ZNF668: variants seen among roughly 807,000 people sequenced by gnomAD.
The protein encoded by ZNF668 is zinc finger protein 668.
A neutral mutation model predicts 40.3 loss-of-function variants in ZNF668; 10 were observed. That is an observed-to-expected ratio of 0.25 (90% CI 0.15 to 0.42). The LOEUF is 0.42. Among genes scored for constraint, ZNF668 ranks in the 10% least tolerant of loss-of-function variants. The pLI is 1.00. For synonymous variants in ZNF668, 428 were observed against 384.6 expected (o/e 1.11, Z -1.32); for missense variants, 749 against 904.6 (o/e 0.83, Z 2.21).
At chr16:31,070,260 T>G (rs1465735507) in intron 1 of ZNF668, among the ~76,000 whole-genome samples, 1 of 150,348 alleles carries the variant, frequency 6.7e-6, no homozygotes, top group East Asian at 2.0e-4. Flanking sequence ...CAGGCTGGAG[T>G]GCAATGGCAC....
rs777174663 is a variant in ZNF668, at chr16:31,061,250, G to A, written c.1678C>T (p.Arg560Cys). The change falls in exon 3 of 3, where the codon CGC becomes TGC. Residue 560 changes from arginine (R) to cysteine (C), a missense_variant. By Grantham distance (180) the Arg-to-Cys change is radical. This residue lies in a region of ZNF668 where 310 missense variants were observed against 355.1 expected (regional missense o/e 0.87). Transcript: ENST00000300849. This position sits in a 1 kb window ranked among gnomAD's most constrained non-coding sequence, Gnocchi z 7.7. The part of the protein sequence containing the change: ...GKSFSDRAGL[R>C]KHSRTHSSVR... ...GAGCTGTGAGTGCGGCTGTGTTTGC[G>A]CAGCCCAGCCCGGTCAGAGAAGCTC... 55 of 1,538,286 alleles carry A rather than the reference G, an allele frequency of 3.6e-5. No homozygotes were observed. Among genetic ancestry groups the A allele is most frequent in the Non-Finnish European group, 4.8e-5 (55 of 1,143,460 alleles).
chr16:31,071,170 T>C (rs1422551218), intron 1 of ZNF668, among the ~76,000 whole-genome samples: 1 of 149,750 alleles, frequency 6.7e-6, no homozygotes, highest in Non-Finnish European at 1.5e-5. Context: ...TATTTCATTT[T>C]TATTTATTTA....
chr16:31,068,220 T>TTAAAAAA (rs1555498568), intron 1 of ZNF668, among the ~76,000 whole-genome samples: 5 of 9,380 alleles, frequency 5.3e-4, no homozygotes, highest in African/African-American at 1.5e-3. Context: ...ATCCCACCAT[T>TTAAAAAA]AAAAAAAAAA....
chr16:31,064,677 G>T, intron 1 of ZNF668, 196 bp from the exon 2 acceptor site: 1 of 1,536,024 alleles, frequency 6.5e-7, no homozygotes, highest in Non-Finnish European at 8.7e-7. Context: ...CCAAGTGTCC[G>T]CAGAGCCACT....
At position 31,061,896 on chromosome 16, in the gene ZNF668, C is replaced by A. The variant is rs754058989; in HGVS notation, c.1032G>T (p.Thr344=). 1.9e-6 allele frequency: 3 copies of A among 1,613,128 alleles called. No individual in the cohort carries two copies. Among genetic ancestry groups the A allele is most frequent in the Admixed American group, 3.3e-5 (2 of 59,990 alleles). The change falls in exon 3 of 3, where the codon ACG becomes ACT. Residue 344 remains threonine (T), a synonymous_variant. Coordinates refer to ENST00000300849, the MANE Select transcript of ZNF668 (RefSeq NM_024706.5). The surrounding 1 kb of genome is among the most constrained non-coding windows in gnomAD (Gnocchi z 7.7). ...RPFKCLQCDK[T]FVASWDLKRH... is the part of the protein sequence containing the mutation. ...GCTTGAGGTCCCAGGACGCCACGAA[C>A]GTCTTGTCACATTGCAGGCACTTGA...
intron 2 of ZNF668, 21 bp downstream of exon 2, chr16:31,063,792 T>C (rs1431043338): frequency 6.5e-7 from 1 of 1,530,852 alleles, no homozygotes; most frequent in East Asian, 2.3e-5. Flanking sequence ...GAAGGCGCCC[T>C]GCCCCGGAAG....
At position 31,065,864 on chromosome 16, in the gene ZNF668, A is replaced by AAT. The variant is rs2056977952; in HGVS notation, c.-22-1384_-22-1383insAT. On this transcript the variant is annotated intron_variant, in intron 1 of 2. Transcript: ENST00000300849. The stretch of plus-strand genomic sequence containing the variant: ...GCAAGACTCCGTCTCAAAAAAAAAA[A>AAT]AATAAAAAGACTATTTCCTCATCTG... 5.9e-5 allele frequency among the ~76,000 whole-genome samples: 9 copies of AAT among 151,906 alleles called. No homozygotes were observed. In the South Asian group the frequency reaches 1.7e-3, roughly 28 times the overall value.
chr16:31,064,197 A>T lies in ZNF668; in HGVS notation c.263T>A (p.Leu88Gln). 6.2e-7 allele frequency: 1 copy of T among 1,612,582 alleles called. No individual in the cohort carries two copies. The highest frequency in any genetic ancestry group is 1.3e-5 in the African/African-American group (1 of 75,066). Reference protein sequence around the residue: ...AAKPRPYACPLCPKAYKTAPE... With the variant: ...AAKPRPYACPQCPKAYKTAPE... Reference sequence around the variant, plus strand: ...TGCCGTCTTGTAGGCCTTGGGGCATAGCGGACACGCATAGGGCCTAGGCTT... The same window carrying T: ...TGCCGTCTTGTAGGCCTTGGGGCATTGCGGACACGCATAGGGCCTAGGCTT... The change falls in exon 2 of 3, where the codon CTA becomes CAA. Residue 88 changes from leucine (L) to glutamine (Q), a missense_variant. Leu to Gln is a moderately radical substitution (Grantham distance 113). Transcript: ENST00000300849.
chr16:31,066,424 G>GCT, intron 1 of ZNF668: 1 of 969,340 alleles, frequency 1.0e-6, no homozygotes, highest in African/African-American at 1.8e-5. Flanking sequence ...AGGTGTGGTG[G>GCT]CATGCGCCTT....
chr16:31,062,404 A>C, intron 2 of ZNF668, 124 bp from the exon 3 acceptor site: 8 of 1,355,936 alleles, frequency 5.9e-6, no homozygotes, highest in Non-Finnish European at 2.9e-6. Context: ...ATCCCCTAAG[A>C]GCCACATGGC....
Position 31,064,404 on chromosome 16 carries a change from C to G in ZNF668, c.56G>C (p.Gly19Ala), listed in dbSNP as rs762066723. Reference protein sequence around the residue: ...RSPAPGYKRSGRRYKCLSCTK... With the variant: ...RSPAPGYKRSARRYKCLSCTK... ...ACAGGACAGGCACTTGTAGCGGCGG[C>G]CCGAGCGCTTGTAGCCGGGGGCTGG... is the stretch of plus-strand genomic sequence containing the variant. Residue 19 changes from glycine to alanine, a missense_variant, in exon 2 of 3, where the codon GGC becomes GCC. Physicochemically the swap from Gly to Ala is moderately conservative, Grantham distance 60. Around this residue, in one of 4 missense-constraint regions of ZNF668, gnomAD observed 159 missense variants for 139.8 expected, o/e 1.14. Transcript: ENST00000300849. The G allele has an allele frequency of 6.2e-7, 1 of 1,613,082 alleles. No individual in the cohort carries two copies. Among genetic ancestry groups the G allele is most frequent in the South Asian group, 1.1e-5 (1 of 91,088 alleles).
rs1446318488 is a variant in ZNF668, at chr16:31,061,235, T to C, written c.1693A>G (p.Thr565Ala). The part of the protein sequence containing the change: ...DRAGLRKHSR[T>A]HSSVRPYTCP... ...GTGTAGGGGCGCACTGAGCTGTGAG[T>C]GCGGCTGTGTTTGCGCAGCCCAGCC... Residue 565 changes from threonine (T) to alanine (A), a missense_variant, in exon 3 of 3, where the codon ACT (threonine) becomes GCT (alanine). This residue lies in a region of ZNF668 where 310 missense variants were observed against 355.1 expected (regional missense o/e 0.87). Coordinates refer to ENST00000300849, the MANE Select transcript of ZNF668 (RefSeq NM_024706.5). The surrounding 1 kb of genome is among the most constrained non-coding windows in gnomAD (Gnocchi z 7.7). The C allele has an allele frequency of 3.9e-6, 6 of 1,534,196 alleles. No homozygotes were observed. The highest frequency in any genetic ancestry group is 5.3e-6 in the Non-Finnish European group (6 of 1,141,996).
chr16:31,064,226 C>G lies in ZNF668; in HGVS notation c.234G>C (p.Ala78=). 2 of 1,613,282 alleles carry G rather than the reference C, an allele frequency of 1.2e-6. No individual in the cohort carries two copies. Among genetic ancestry groups the G allele is most frequent in the Non-Finnish European group, 8.5e-7 (1 of 1,180,006 alleles). The stretch of plus-strand genomic sequence containing the variant: ...GACACGCATAGGGCCTAGGCTTGGC[C>G]GCGGAGCCTGACACCTTCTCCCCAC... ...EASGEKVSGS[A]AKPRPYACPL... Residue 78 remains alanine, a synonymous_variant, in exon 2 of 3, where the codon GCG becomes GCC. Transcript: ENST00000300849.
chr16:31,071,664 C>T (rs536188666), intron 1 of ZNF668, among the ~76,000 whole-genome samples: 76 of 152,268 alleles, frequency 5.0e-4, no homozygotes, highest in African/African-American at 1.8e-3. Context: ...ACGCTGCCGA[C>T]AGTGGTCTCA....
intron 1 of ZNF668, among the ~76,000 whole-genome samples, chr16:31,067,636 A>T (rs77628439): frequency 1.3e-5 from 2 of 152,198 alleles, no homozygotes; most frequent in African/African-American, 4.8e-5. Flanking sequence ...TCTTAGAGCC[A>T]GACACATTGC....
intron 1 of ZNF668, chr16:31,069,352 AC>A (rs2056999695): frequency 6.6e-6 from 1 of 151,112 alleles, no homozygotes; most frequent in African/African-American, 2.5e-5. Flanking sequence ...ACTGGGCTCT[AC>A]CCACAGAGGC....
In ZNF668 at chr16:31,072,655, G is replaced by C. The variant is rs1000402423; in HGVS notation, c.-23+1004C>G. ...AGGCCTCACGGCCAGGAGTGACGTAGTGAGCGGATGAACCCTGCAGAAGTG... is the reference window on the plus strand; with the variant it reads ...AGGCCTCACGGCCAGGAGTGACGTACTGAGCGGATGAACCCTGCAGAAGTG... On this transcript the variant is annotated intron_variant, in intron 1 of 2. Coordinates refer to ENST00000300849, the MANE Select transcript of ZNF668 (RefSeq NM_024706.5). 3 of 152,450 alleles carry C rather than the reference G, an allele frequency of 2.0e-5. No individual in the cohort carries two copies. The East Asian group carries it at 5.8e-4, about 29-fold the overall frequency. 9.4% of individuals were successfully genotyped at this position (152,450 alleles called of 1,614,324 possible).
Position 31,068,123 on chromosome 16 carries a change from CA to C in ZNF668, c.-22-3643del, listed in dbSNP as rs1287169927. Among the ~76,000 whole-genome samples, 6 of 147,528 alleles carry C rather than the reference CA, an allele frequency of 4.1e-5. No individual in the cohort carries two copies. In the East Asian group the frequency reaches 1.2e-3, roughly 31 times the overall value. On this transcript the variant is annotated intron_variant, in intron 1 of 2. Transcript: ENST00000300849. ...AAATCCCTCCTCCCATGGCACTTCC[CA>C]GGGGAAAAGGTAGGGGAGTGCCAGG...
Position 31,060,916 on chromosome 16 carries a change from A to T in ZNF668, c.*152T>A. 1.0e-6 allele frequency: 1 copy of T among 958,646 alleles called. No individual in the cohort carries two copies. Among genetic ancestry groups the T allele is most frequent in the Non-Finnish European group, 1.4e-6 (1 of 700,106 alleles). 59.4% of individuals were successfully genotyped at this position (958,646 alleles called of 1,614,324 possible). A position where few individuals can be genotyped will look rare whatever the true frequency, so the allele number is the denominator to read the frequency against. ...CACGTCTCAGCTTCTGCCAGCCTCC[A>T]CTGTCCCAGCTCTCTTAGCTGGCCG... On this transcript the variant is annotated 3_prime_UTR_variant, in exon 3 of 3. Transcript: ENST00000300849.
Sources: allele counts gnomAD v4.1 joint callset (sites outside exome capture counted in the v4.1 genomes callset), GRCh38; gene constraint gnomAD v4.1.1; regional missense constraint gnomAD v4.1.1; non-coding constraint Gnocchi (gnomAD v3.1); transcripts MANE v1.5; gene names NCBI Gene and HGNC (gene_info 2026-07-23, HGNC 2026-07-21).